HDAC9: variants seen among roughly 807,000 people sequenced by gnomAD.
HDAC9 encodes the protein histone deacetylase 9.
A neutral mutation model predicts 139.4 loss-of-function variants in HDAC9; 41 were observed. That is an observed-to-expected ratio of 0.29 (90% CI 0.23 to 0.38). The LOEUF (loss-of-function observed/expected upper bound fraction) is 0.38, where lower values mean the gene tolerates loss of function less well. HDAC9 is among the 10% of genes least tolerant of loss of function. The probability of loss-of-function intolerance (pLI) is 1.00; values close to 1 mark genes in which losing one functional copy is unlikely to be tolerated. For synonymous variants in HDAC9, 517 were observed against 476.2 expected, an observed-to-expected ratio of 1.09 and a Z score of -1.12; for missense variants, 1,147 against 1,297.0, an observed-to-expected ratio of 0.88 and a Z score of 1.78.
At chr7:18,354,851 G>C (rs1783130649) in intron 1 of HDAC9, among the ~76,000 whole-genome samples, 1 of 152,058 alleles carries the variant, frequency 6.6e-6, no homozygotes, top group Admixed American at 6.6e-5. Context: ...TCAACACATC[G>C]GGGCACGTAA....
At chr7:18,712,913 T>C (rs1784446150) in intron 12 of HDAC9, among the ~76,000 whole-genome samples, 1 of 152,240 alleles carries the variant, frequency 6.6e-6, no homozygotes, top group Non-Finnish European at 1.5e-5. Context: ...GAGATTTACT[T>C]TGTTTCTATT....
chr7:18,975,411 T>C (rs1369076259), intron 24 of HDAC9, among the ~76,000 whole-genome samples: 4 of 152,212 alleles, frequency 2.6e-5, no homozygotes, highest in Non-Finnish European at 4.4e-5. Context: ...CAAGTAGCAA[T>C]GTTTAACAGT....
At chr7:18,448,593 T>A (rs1478364063) in intron 1 of HDAC9, among the ~76,000 whole-genome samples, 1 of 152,188 alleles carries the variant, frequency 6.6e-6, no homozygotes. Flanking sequence ...GTAATAATTT[T>A]TTTATTTAAA....
At chr7:18,462,768 A>G (rs1458173213) in intron 1 of HDAC9, among the ~76,000 whole-genome samples, 1 of 151,960 alleles carries the variant, frequency 6.6e-6, no homozygotes, top group Non-Finnish European at 1.5e-5. Context: ...ATATATGACA[A>G]TTTACTTACC....
intron 1 of HDAC9, among the ~76,000 whole-genome samples, chr7:18,302,805 A>T (rs1798629506): frequency 6.6e-6 from 1 of 152,196 alleles, no homozygotes; most frequent in East Asian, 1.9e-4. Flanking sequence ...AGTGCTCAGT[A>T]GTCATTTGAG....
At chr7:18,583,576 C>G (rs141515764) in intron 2 of HDAC9, among the ~76,000 whole-genome samples, 1,876 of 131,276 alleles carry the variant, frequency 0.014, 16 homozygotes, top group Non-Finnish European at 0.023. Flanking sequence ...CTGACCCCAG[C>G]TATAAAAAAA....
intron 12 of HDAC9, among the ~76,000 whole-genome samples, chr7:18,690,347 G>T (rs754675717): frequency 4.6e-5 from 7 of 151,970 alleles, no homozygotes; most frequent in Non-Finnish European, 1.0e-4. Context: ...TATATGATAG[G>T]TGTATACGTA....
At chr7:18,960,031 C>T (rs1585412072) in intron 24 of HDAC9, among the ~76,000 whole-genome samples, 1 of 152,030 alleles carries the variant, frequency 6.6e-6, no homozygotes, top group East Asian at 1.9e-4. Context: ...CACACACACA[C>T]ACACACACAC....
intron 2 of HDAC9, among the ~76,000 whole-genome samples, chr7:18,574,701 G>A (rs926781268): frequency 6.6e-6 from 1 of 152,246 alleles, no homozygotes; most frequent in African/African-American, 2.4e-5. Flanking sequence ...TCCAAAGGAG[G>A]CCAAGACGAC....
At chr7:18,622,782 A>G (rs1053317694) in intron 6 of HDAC9, among the ~76,000 whole-genome samples, 2 of 152,062 alleles carry the variant, frequency 1.3e-5, no homozygotes, top group Non-Finnish European at 2.9e-5. Flanking sequence ...TCTACATACC[A>G]CACAATGTGG....
At chr7:18,584,685 C>A (rs1393726749) in intron 2 of HDAC9, among the ~76,000 whole-genome samples, 3 of 152,176 alleles carry the variant, frequency 2.0e-5, no homozygotes, top group African/African-American at 2.4e-5. Context: ...TGGCTACTTT[C>A]ACTCCTTGTT....
intron 16 of HDAC9, 180 bp from the exon 17 acceptor site, chr7:18,793,165 C>T: frequency 3.4e-6 from 2 of 587,554 alleles, no homozygotes; most frequent in South Asian, 4.0e-5. Context: ...TTTCAGCTGG[C>T]CAAGACGGAA....
intron 2 of HDAC9, among the ~76,000 whole-genome samples, chr7:18,515,053 T>G (rs746347066): frequency 2.0e-5 from 3 of 152,238 alleles, no homozygotes; most frequent in Non-Finnish European, 2.9e-5. Flanking sequence ...TAACTTTTTC[T>G]AAACTCCAGT....
At chr7:18,955,764 G>C (rs185928945) in intron 24 of HDAC9, among the ~76,000 whole-genome samples, 8 of 152,204 alleles carry the variant, frequency 5.3e-5, no homozygotes, top group Non-Finnish European at 1.0e-4. Context: ...CTTTCAACTG[G>C]GGGTGAGAGG....
intron 2 of HDAC9, among the ~76,000 whole-genome samples, chr7:18,274,294 T>C (rs1320624719): frequency 6.6e-6 from 1 of 152,210 alleles, no homozygotes; most frequent in East Asian, 1.9e-4. Context: ...TGTCTGCATC[T>C]GGTGAGGTCC....
chr7:18,216,530 T>A (rs978581936), intron 2 of HDAC9, among the ~76,000 whole-genome samples: 1 of 152,118 alleles, frequency 6.6e-6, no homozygotes, highest in Non-Finnish European at 1.5e-5. Context: ...TTTATTATAT[T>A]ATAGAACTAC....
intron 1 of HDAC9, among the ~76,000 whole-genome samples, chr7:18,131,269 A>G (rs1000228390): frequency 7.2e-5 from 11 of 152,164 alleles, no homozygotes; most frequent in Non-Finnish European, 1.2e-4. Flanking sequence ...TTAAAAATAG[A>G]ACATTGATGA....
At chr7:18,546,530 C>G (rs994811510) in intron 2 of HDAC9, among the ~76,000 whole-genome samples, 3 of 152,182 alleles carry the variant, frequency 2.0e-5, no homozygotes, top group African/African-American at 7.2e-5. Flanking sequence ...CTGACCTATC[C>G]TGACACCTTC....
chr7:18,531,119 C>T lies in HDAC9; in HGVS notation c.22+34795C>T, dbSNP rs1235255265. 2.0e-5 allele frequency among the ~76,000 whole-genome samples: 3 copies of T among 152,022 alleles called. No homozygotes were observed. In the East Asian group the frequency reaches 5.8e-4, roughly 29 times the overall value. The stretch of plus-strand genomic sequence containing the variant: ...TAATAAGAATAACTCACCAATTTTT[C>T]TCTTTTCTCCCCTGCTTCAAACTAT... On this transcript the variant is annotated intron_variant, in intron 2 of 25. Coordinates refer to ENST00000686413, the MANE Select transcript of HDAC9 (RefSeq NM_178425.4).
Sources: gnomAD v4.1 joint callset for allele counts (sites outside exome capture counted in the v4.1 genomes callset) on GRCh38, gnomAD v4.1.1 for gene constraint, MANE v1.5 for transcripts, NCBI Gene and HGNC (gene_info 2026-07-23, HGNC 2026-07-21) for gene names.